SMTN: variants seen among roughly 807,000 people sequenced by gnomAD.
SMTN encodes the protein smoothelin.
In SMTN, 58 loss-of-function variants were observed where a neutral mutation model predicts 102.0. That is an observed-to-expected ratio of 0.57 (90% CI 0.46 to 0.71). SMTN has a LOEUF of 0.71. SMTN is among the 30% of genes least tolerant of loss of function. The pLI is 0.00. For synonymous variants in SMTN, 478 were observed against 497.9 expected, an observed-to-expected ratio of 0.96 and a Z score of 0.53; for missense variants, 1,185 against 1,241.7, an observed-to-expected ratio of 0.95 and a Z score of 0.69.
intron 20 of SMTN, 171 bp downstream of exon 20, chr22:31,101,220 T>C: frequency 1.6e-6 from 1 of 628,600 alleles, no homozygotes; most frequent in South Asian, 2.1e-5. Context: ...GTGAGACCAT[T>C]CTAAATGGGC....
chr22:31,072,377 C>A (rs1048496188), intron 1 of SMTN, among the ~76,000 whole-genome samples: 2 of 152,184 alleles, frequency 1.3e-5, no homozygotes, highest in African/African-American at 4.8e-5. Flanking sequence ...TCCCTGAGCC[C>A]TTCACTACTG....
chr22:31,092,679 C>T (rs1216096281), intron 11 of SMTN: 2 of 411,634 alleles, frequency 4.9e-6, no homozygotes, highest in Admixed American at 2.5e-5. Context: ...ATCCAGCTGC[C>T]CTCTGACAAG....
intron 1 of SMTN, chr22:31,067,277 G>A (rs575444700): frequency 7.0e-6 from 1 of 143,670 alleles, no homozygotes; most frequent in Non-Finnish European, 1.5e-5. Flanking sequence ...GTCTTGCTCT[G>A]TCGCCAGGCT....
intron 8 of SMTN, 135 bp from the exon 9 acceptor site, chr22:31,090,673 G>A (rs1243751626): frequency 2.7e-6 from 2 of 738,988 alleles, no homozygotes; most frequent in Non-Finnish European, 4.8e-6. Context: ...ATGGAGAGGT[G>A]GGGTGGGGGT....
intron 11 of SMTN, chr22:31,093,751 CT>C: frequency 6.5e-7 from 1 of 1,545,730 alleles, no homozygotes; most frequent in Non-Finnish European, 8.9e-7. Context: ...CGAGCTGCTC[CT>C]GGCTGCCGCC....
In SMTN at chr22:31,104,440, C is replaced by A; in HGVS notation, c.*145C>A. On this transcript the variant is annotated 3_prime_UTR_variant, in exon 21 of 21. Coordinates refer to ENST00000333137, the MANE Select transcript of SMTN (RefSeq NM_134269.3). ...CTACAACCACCTGCGACGCCACGAA[C>A]TGCGCCTGCGCGGCAAGAATGTCTA... 6.2e-7 allele frequency: 1 copy of A among 1,614,038 alleles called. No homozygotes were observed. Among genetic ancestry groups the A allele is most frequent in the Non-Finnish European group, 8.5e-7 (1 of 1,180,028 alleles).
intron 2 of SMTN, chr22:31,084,862 T>A (rs1056075250): frequency 3.3e-5 from 30 of 897,820 alleles, no homozygotes; most frequent in African/African-American, 5.3e-5. Context: ...GCGCCCGCCA[T>A]TACTGCGCCC....
At chr22:31,085,396 A>C (rs2042619974) in intron 2 of SMTN, 3 of 1,005,748 alleles carry the variant, frequency 3.0e-6, no homozygotes, top group Non-Finnish European at 4.2e-6. Flanking sequence ...CGGGACCCCC[A>C]TGGGCAACCG....
At chr22:31,098,585 C>CT (rs2043793584) in intron 16 of SMTN, 82 bp from the exon 17 acceptor site, 3 of 1,414,752 alleles carry the variant, frequency 2.1e-6, no homozygotes, top group Non-Finnish European at 2.9e-6. Flanking sequence ...CTACAAGACC[C>CT]CCCCTCCTCC....
intron 1 of SMTN, among the ~76,000 whole-genome samples, chr22:31,070,100 C>T (rs1458605917): frequency 6.6e-6 from 1 of 152,116 alleles, no homozygotes; most frequent in Non-Finnish European, 1.5e-5. Flanking sequence ...GTGAGGACAG[C>T]AACTGAAGCG....
chr22:31,093,566 C>T (rs899983568), intron 11 of SMTN: 2 of 728,256 alleles, frequency 2.7e-6, no homozygotes, highest in Non-Finnish European at 5.1e-6. Context: ...GTGACCCAGG[C>T]AGCCGAGGTA....
At chr22:31,099,299 C>T (rs2043887195) in intron 18 of SMTN, 120 bp downstream of exon 18, 6 of 670,474 alleles carry the variant, frequency 8.9e-6, no homozygotes, top group Non-Finnish European at 1.5e-5. Context: ...TCACAGGGAA[C>T]ATGGAAAGGC....
Position 31,091,195 on chromosome 22 carries a change from C to G in SMTN, c.1172C>G (p.Ser391Cys), listed in dbSNP as rs2043104964. The G allele has an allele frequency of 1.2e-6, 2 of 1,613,176 alleles. No individual in the cohort carries two copies. Among genetic ancestry groups the G allele is most frequent in the Non-Finnish European group, 1.7e-6 (2 of 1,179,744 alleles). Reference protein sequence around the residue: ...SSSRGPSDTSSRFSKEQRGVA... With the variant: ...SSSRGPSDTSCRFSKEQRGVA... The stretch of plus-strand genomic sequence containing the variant: ...TCTCGGGGCCCCAGTGATACCTCCT[C>G]CCGGTTCAGCAAGGAGCAACGAGGA... Residue 391 changes from serine (S) to cysteine (C), a missense_variant, in exon 10 of 21, where the codon TCC becomes TGC. This residue lies in a region of SMTN where 1,096 missense variants were observed against 1,112.7 expected (regional missense o/e 0.98). Transcript: ENST00000333137.
rs1602696010 is a variant in SMTN, at chr22:31,104,193, T to G, written c.*21-123T>G. Reference sequence around the variant, plus strand: ...GCTTCCTGCCTTCCTGGAAGGCTTTTCCCTGTCTGGAGTTTATGAAAGACC... The same window carrying G: ...GCTTCCTGCCTTCCTGGAAGGCTTTGCCCTGTCTGGAGTTTATGAAAGACC... On this transcript the variant is annotated intron_variant, in intron 20 of 20. Coordinates refer to ENST00000333137, the MANE Select transcript of SMTN (RefSeq NM_134269.3). 6 of 1,172,678 alleles carry G rather than the reference T, an allele frequency of 5.1e-6. No individual in the cohort carries two copies. The East Asian group carries it at 1.5e-4, about 29-fold the overall frequency. 72.6% of individuals were successfully genotyped at this position (1,172,678 alleles called of 1,614,324 possible).
At chr22:31,082,308 T>G in intron 1 of SMTN, 1 of 305,818 alleles carries the variant, frequency 3.3e-6, no homozygotes, top group Non-Finnish European at 6.7e-6. Context: ...GGGCCAGGAT[T>G]TAGGGGTCCA....
At chr22:31,099,689 A>G (rs1459067948) in intron 18 of SMTN, 56 bp from the exon 19 acceptor site, 8 of 1,588,770 alleles carry the variant, frequency 5.0e-6, no homozygotes, top group Non-Finnish European at 6.9e-6. Context: ...GCTGAGGGGT[A>G]GACAGCAGGG....
chr22:31,092,474 A>G, intron 11 of SMTN: 1 of 471,220 alleles, frequency 2.1e-6, no homozygotes, highest in African/African-American at 2.0e-5. Context: ...CCCAGGATCC[A>G]CTAGCCGGGA....
chr22:31,093,669 G>A (rs781261350), intron 11 of SMTN: 3 of 816,976 alleles, frequency 3.7e-6, no homozygotes, highest in Non-Finnish European at 4.4e-6. Flanking sequence ...CACTGAGCAG[G>A]CAGGTGGAGG....
At chr22:31,083,438 CA>C in intron 2 of SMTN, 129 bp downstream of exon 2, 1 of 1,155,274 alleles carries the variant, frequency 8.7e-7, no homozygotes, top group Non-Finnish European at 1.2e-6. Flanking sequence ...GACATGGGAA[CA>C]GGGGTAGGCC....
Sources: allele counts gnomAD v4.1 joint callset (sites outside exome capture counted in the v4.1 genomes callset), GRCh38; gene constraint gnomAD v4.1.1; regional missense constraint gnomAD v4.1.1; transcripts MANE v1.5; gene names NCBI Gene and HGNC (gene_info 2026-07-23, HGNC 2026-07-21).